TAS2R1: variants seen among roughly 807,000 people sequenced by gnomAD.
The protein encoded by TAS2R1 is taste 2 receptor member 1.
For missense variants in TAS2R1, 370 were observed against 353.4 expected (o/e 1.05, Z -0.38); for synonymous variants, 141 against 134.2 (o/e 1.05, Z -0.35).
rs1045799076 is a variant in TAS2R1, at chr5:9,627,757, G to T, written c.*1376C>A. 6.6e-6 allele frequency among the ~76,000 whole-genome samples: 1 copy of T among 152,224 alleles called. No individual in the cohort carries two copies. The highest frequency in any genetic ancestry group is 2.4e-5 in the African/African-American group (1 of 41,462). Reference sequence around the variant, plus strand: ...CCTACCTAGTGGGACGTGGGAAAATGAAATAGCAGGAAGATGGAGGCTGTC... The same window carrying T: ...CCTACCTAGTGGGACGTGGGAAAATTAAATAGCAGGAAGATGGAGGCTGTC... On this transcript the variant is annotated 3_prime_UTR_variant, in exon 1 of 1. Transcript: ENST00000382492.
At chr5:9,822,345 A>ATTT in the TAS2R1 span, among the ~76,000 whole-genome samples, 5 of 109,768 alleles carry the variant, frequency 4.6e-5, no homozygotes, top group African/African-American at 7.0e-5. Context: ...TGCATGTGTA[A>ATTT]TTTTTTTTTT....
the TAS2R1 span, among the ~76,000 whole-genome samples, chr5:9,874,042 AAGAC>A: frequency 6.6e-6 from 1 of 151,982 alleles, no homozygotes; most frequent in Non-Finnish European, 1.5e-5. Context: ...GAAAGAAAGA[AAGAC>A]AAAGTACTAC....
the TAS2R1 span, among the ~76,000 whole-genome samples, chr5:9,789,223 TA>T: frequency 2.0e-5 from 3 of 152,198 alleles, no homozygotes; most frequent in Non-Finnish European, 4.4e-5. Context: ...AGGCATTTGA[TA>T]CTAAGTAATG....
the TAS2R1 span, among the ~76,000 whole-genome samples, chr5:9,891,724 A>G: frequency 2.0e-5 from 3 of 152,238 alleles, no homozygotes; most frequent in Admixed American, 1.3e-4. Flanking sequence ...GGAAGCCCAG[A>G]GAACAGATAT....
chr5:9,778,536 T>A, the TAS2R1 span, among the ~76,000 whole-genome samples: 1 of 152,266 alleles, frequency 6.6e-6, no homozygotes, highest in South Asian at 2.1e-4. Flanking sequence ...CAAGGTTGTT[T>A]TGTCTACATT....
the TAS2R1 span, among the ~76,000 whole-genome samples, chr5:9,849,344 G>A: frequency 6.6e-6 from 1 of 152,242 alleles, no homozygotes. Context: ...CACACACACA[G>A]TTCAAATGCT....
chr5:9,861,019 A>G, the TAS2R1 span, among the ~76,000 whole-genome samples: 3 of 100,464 alleles, frequency 3.0e-5, no homozygotes, highest in Admixed American at 3.3e-4. Context: ...ACTGTAATGG[A>G]CAATCTGGGA....
intron 1 of TAS2R1, among the ~76,000 whole-genome samples, chr5:9,673,350 T>C (rs75447830): frequency 6.6e-6 from 1 of 152,180 alleles, no homozygotes; most frequent in African/African-American, 2.4e-5. Context: ...AATATGATCA[T>C]AATTTAAATA....
chr5:9,768,369 A>T, the TAS2R1 span, among the ~76,000 whole-genome samples: 1 of 152,150 alleles, frequency 6.6e-6, no homozygotes, highest in African/African-American at 2.4e-5. Flanking sequence ...TCAGTTTTGA[A>T]TCCCATGTCA....
chr5:9,729,279 C>A, the TAS2R1 span, among the ~76,000 whole-genome samples: 1 of 151,876 alleles, frequency 6.6e-6, no homozygotes, highest in African/African-American at 2.4e-5. Flanking sequence ...TGGGGGAGGA[C>A]GATGGTCCCT....
At chr5:9,768,781 T>A in the TAS2R1 span, among the ~76,000 whole-genome samples, 6 of 152,244 alleles carry the variant, frequency 3.9e-5, no homozygotes, top group Non-Finnish European at 7.3e-5. Flanking sequence ...TTAAAGAAAC[T>A]ATTTTTATGG....
chr5:9,813,770 T>C, the TAS2R1 span, among the ~76,000 whole-genome samples: 2 of 152,202 alleles, frequency 1.3e-5, no homozygotes, highest in Non-Finnish European at 2.9e-5. Flanking sequence ...ATCCTAATTA[T>C]ACATTCTACA....
chr5:9,720,137 C>A, the TAS2R1 span, among the ~76,000 whole-genome samples: 2 of 152,086 alleles, frequency 1.3e-5, no homozygotes, highest in East Asian at 1.9e-4. Context: ...CCAAATACCC[C>A]AAACTGGAGA....
At chr5:9,812,148 C>A in the TAS2R1 span, among the ~76,000 whole-genome samples, 231 of 152,208 alleles carry the variant, frequency 1.5e-3, 1 homozygote, top group Admixed American at 5.8e-3. Context: ...CCTTCACCCC[C>A]CTGCCCCACC....
the TAS2R1 span, among the ~76,000 whole-genome samples, chr5:9,762,077 A>C: frequency 6.6e-6 from 1 of 151,886 alleles, no homozygotes; most frequent in South Asian, 2.1e-4. Context: ...CCAAAAAAAC[A>C]CCTCCTCTTT....
the TAS2R1 span, among the ~76,000 whole-genome samples, chr5:9,897,827 A>G: frequency 2.0e-5 from 3 of 152,318 alleles, no homozygotes; most frequent in South Asian, 4.1e-4. Context: ...ATTTATCTGA[A>G]GAGAAAGATA....
intron 2 of TAS2R1, among the ~76,000 whole-genome samples, chr5:9,650,672 T>C (rs1008651646): frequency 6.6e-6 from 1 of 152,064 alleles, no homozygotes; most frequent in African/African-American, 2.4e-5. Flanking sequence ...CTATTTAAAT[T>C]TCACTTCATC....
the TAS2R1 span, among the ~76,000 whole-genome samples, chr5:9,750,542 C>A: frequency 6.6e-6 from 1 of 152,096 alleles, no homozygotes; most frequent in Non-Finnish European, 1.5e-5. Context: ...AAAGGAGAAC[C>A]AGATATTGGC....
chr5:9,828,486 T>C, the TAS2R1 span, among the ~76,000 whole-genome samples: 2 of 152,172 alleles, frequency 1.3e-5, no homozygotes, highest in African/African-American at 4.8e-5. Flanking sequence ...AAGTATAACA[T>C]ATAATGCTTC....
Sources: gnomAD v4.1 joint callset for allele counts (sites outside exome capture counted in the v4.1 genomes callset) on GRCh38, gnomAD v4.1.1 for gene constraint, MANE v1.5 for transcripts, NCBI Gene and HGNC (gene_info 2026-07-23, HGNC 2026-07-21) for gene names.